Variants in ITGB8 observed in about 807,000 individuals in gnomAD.
ITGB8 encodes integrin beta-8.
ITGB8 carries 30 observed loss-of-function variants against 89.5 expected under a neutral mutation model. The ratio of observed to expected loss-of-function variants is 0.34; its 90% CI spans 0.25 to 0.45. The LOEUF is 0.45. ITGB8 is among the 20% of genes least tolerant of loss of function. ITGB8 has a pLI of 1.00. For synonymous variants in ITGB8, 335 were observed against 320.4 expected (o/e 1.05, Z -0.49); for missense variants, 836 against 933.3 (o/e 0.90, Z 1.36).
intron 9 of ITGB8, among the ~76,000 whole-genome samples, chr7:20,399,350 T>C (rs1023787869): frequency 6.6e-6 from 1 of 152,178 alleles, no homozygotes; most frequent in African/African-American, 2.4e-5. Context: ...TAATGCCTTT[T>C]TGATTTCATA....
intron 6 of ITGB8, among the ~76,000 whole-genome samples, chr7:20,388,988 A>G (rs1583524109): frequency 6.6e-6 from 1 of 152,128 alleles, no homozygotes; most frequent in South Asian, 2.1e-4. Context: ...TTATGGCTTC[A>G]TAGTATTCCG....
chr7:20,352,859 G>A (rs934089220), intron 1 of ITGB8: 1 of 152,232 alleles, frequency 6.6e-6, no homozygotes, highest in Non-Finnish European at 1.5e-5. Flanking sequence ...GTTAAAAAGT[G>A]TCTCAGTGTA....
chr7:20,344,949 T>G (rs1300060376), intron 1 of ITGB8, among the ~76,000 whole-genome samples: 1 of 152,174 alleles, frequency 6.6e-6, no homozygotes, highest in African/African-American at 2.4e-5. Context: ...GAGCTTTCGT[T>G]CTAATGGAGA....
intron 1 of ITGB8, among the ~76,000 whole-genome samples, chr7:20,340,174 A>ATTGT (rs1562650658): frequency 3.3e-5 from 5 of 152,238 alleles, no homozygotes; most frequent in Admixed American, 6.5e-5. Flanking sequence ...TGTTTTATTG[A>ATTGT]TGTTTTGCTT....
chr7:20,369,389 C>T (rs1785837566), intron 3 of ITGB8, among the ~76,000 whole-genome samples: 1 of 152,130 alleles, frequency 6.6e-6, no homozygotes, highest in Non-Finnish European at 1.5e-5. Flanking sequence ...GGTGAGAGGT[C>T]TCATCCTGGC....
At chr7:20,397,670 T>C (rs717861) in intron 8 of ITGB8, among the ~76,000 whole-genome samples, 103,435 of 151,726 alleles carry the variant, frequency 0.68, 36,401 homozygotes, top group East Asian at 0.99. Flanking sequence ...ACCAAGATTA[T>C]ACAATTAATT....
rs74335737 is a variant in ITGB8 at position 20,364,258 on chromosome 7, C to T, written c.213+536C>T. ...TATCTAGTAAATTGCACTGAAGAAG[C>T]GATCTGCTAATCTGGGGTTTCTTCT... On this transcript the variant is annotated intron_variant, in intron 2 of 13. Coordinates refer to ENST00000222573, the MANE Select transcript of ITGB8 (RefSeq NM_002214.3). 3.2e-3 allele frequency among the ~76,000 whole-genome samples: 492 copies of T among 152,152 alleles called. 6 individuals are homozygous for T. In the East Asian group the frequency reaches 0.039, roughly 12 times the overall value.
At chr7:20,388,972 C>T (rs973647172) in intron 6 of ITGB8, among the ~76,000 whole-genome samples, 1 of 152,146 alleles carries the variant, frequency 6.6e-6, no homozygotes, top group African/African-American at 2.4e-5. Context: ...ATGAACTCAC[C>T]CTTTTTTATG....
intron 3 of ITGB8, among the ~76,000 whole-genome samples, chr7:20,371,288 G>A (rs1216680673): frequency 6.6e-6 from 1 of 152,032 alleles, no homozygotes; most frequent in African/African-American, 2.4e-5. Context: ...TTTTAAAAAT[G>A]AAATAAGAGT....
Position 20,410,559 on chromosome 7 carries a change from C to T in ITGB8, c.*562C>T, listed in dbSNP as rs1164112401. The T allele has an allele frequency of 6.6e-6, 1 of 152,272 alleles. No individual in the cohort carries two copies. Among genetic ancestry groups the T allele is most frequent in the Non-Finnish European group, 1.5e-5 (1 of 68,094 alleles). The allele number at this position is 152,272 out of a possible 1,614,324, so 9.4% of individuals were successfully genotyped here. On this transcript the variant is annotated 3_prime_UTR_variant, in exon 14 of 14. Coordinates refer to ENST00000222573, the MANE Select transcript of ITGB8 (RefSeq NM_002214.3). ...CAACCTTAATCTTAAAAGATTATTGCTTTTTAAAGTGTGTAGTTTTATGCA... is the reference window on the plus strand; with the variant it reads ...CAACCTTAATCTTAAAAGATTATTGTTTTTTAAAGTGTGTAGTTTTATGCA...
At chr7:20,382,752 A>C (rs1786451301) in intron 6 of ITGB8, among the ~76,000 whole-genome samples, 1 of 152,210 alleles carries the variant, frequency 6.6e-6, no homozygotes, top group East Asian at 1.9e-4. Context: ...CCTTAAAAAT[A>C]ATACAAATGT....
chr7:20,414,205 T>G lies in ITGB8; in HGVS notation c.*4208T>G, dbSNP rs959426224. On this transcript the variant is annotated 3_prime_UTR_variant, in exon 14 of 14. Transcript: ENST00000222573. ...GCAAATTTTGTTTTCTTATAAAGAT[T>G]TGAGAGCCCATTTATGACAAAATAT... The G allele has an allele frequency of 3.3e-5, 5 of 152,108 alleles. No individual in the cohort carries two copies. The highest frequency in any genetic ancestry group is 6.6e-5 in the Admixed American group (1 of 15,256). The allele number at this position is 152,108 out of a possible 1,614,324, so 9.4% of individuals were successfully genotyped here.
intron 1 of ITGB8, among the ~76,000 whole-genome samples, chr7:20,353,837 C>T (rs1785193075): frequency 7.3e-6 from 1 of 137,860 alleles, no homozygotes; most frequent in African/African-American, 2.8e-5. Flanking sequence ...GAGGCTGAGG[C>T]AGGAGAATGG....
At chr7:20,356,138 T>C (rs1279075193) in intron 1 of ITGB8, among the ~76,000 whole-genome samples, 1 of 152,190 alleles carries the variant, frequency 6.6e-6, no homozygotes, top group Admixed American at 6.5e-5. Flanking sequence ...CTCGTAACAT[T>C]TAACTGACTT....
intron 1 of ITGB8, among the ~76,000 whole-genome samples, chr7:20,349,441 A>T (rs148196001): frequency 0.016 from 2,390 of 152,070 alleles, 74 homozygotes; most frequent in Non-Finnish European, 0.015. Context: ...TTAAACTTAC[A>T]TTGGTATCAT....
rs1226279319 is a variant in ITGB8, at chr7:20,413,810, T to C, written c.*3813T>C. The C allele has an allele frequency of 6.6e-6, 1 of 152,136 alleles. No homozygotes were observed. The highest frequency in any genetic ancestry group is 1.5e-5 in the Non-Finnish European group (1 of 67,968). 9.4% of individuals were successfully genotyped at this position (152,136 alleles called of 1,614,324 possible). On this transcript the variant is annotated 3_prime_UTR_variant, in exon 14 of 14. Coordinates refer to ENST00000222573, the MANE Select transcript of ITGB8 (RefSeq NM_002214.3). Reference sequence around the variant, plus strand: ...ATAAAAGTATCAAGTGAAATATAGTTACATGGGAGCTCAATCATGTGCAGA... The same window carrying C: ...ATAAAAGTATCAAGTGAAATATAGTCACATGGGAGCTCAATCATGTGCAGA...
intron 8 of ITGB8, among the ~76,000 whole-genome samples, chr7:20,396,274 TA>T (rs1039297338): frequency 3.3e-5 from 5 of 150,850 alleles, no homozygotes; most frequent in East Asian, 1.9e-4. Flanking sequence ...CTGTCTCTAC[TA>T]AAAAAAAATT....
At chr7:20,384,683 G>T (rs1257181571) in intron 6 of ITGB8, among the ~76,000 whole-genome samples, 1 of 152,162 alleles carries the variant, frequency 6.6e-6, no homozygotes. Flanking sequence ...TCTTTACTTT[G>T]CCACAGTCTG....
chr7:20,378,431 C>G (rs1322197153), intron 3 of ITGB8, among the ~76,000 whole-genome samples: 1 of 152,216 alleles, frequency 6.6e-6, no homozygotes, highest in East Asian at 1.9e-4. Flanking sequence ...CCCACTGTCT[C>G]ATTCCTTCAC....
Sources: allele counts gnomAD v4.1 joint callset (sites outside exome capture counted in the v4.1 genomes callset), GRCh38; gene constraint gnomAD v4.1.1; transcripts MANE v1.5; gene names NCBI Gene and HGNC (gene_info 2026-07-23, HGNC 2026-07-21).